GPC3: variants seen among roughly 807,000 people sequenced by gnomAD.
GPC3 encodes glypican 3, also known as glypican-3.
GPC3 carries 3 observed loss-of-function variants against 34.4 expected under a neutral mutation model. The observed-to-expected ratio is 0.09, with a 90% CI of 0.04 to 0.23. GPC3 has a LOEUF of 0.23. Ranked by LOEUF, GPC3 falls within the 10% of genes least tolerant of loss-of-function variation. The pLI, the probability that GPC3 is intolerant of heterozygous loss-of-function variation, is 1.00. For missense variants in GPC3, 351 were observed against 445.6 expected (o/e 0.79, Z 1.91); for synonymous variants, 177 against 174.0 (o/e 1.02, Z -0.13).
At chrX:133,865,598 T>C (rs1279476753) in intron 2 of GPC3, among the ~76,000 whole-genome samples, 2 of 112,219 alleles carry the variant, frequency 1.8e-5, no homozygotes, top group Non-Finnish European at 3.8e-5. Context: ...TTTGCTTACT[T>C]TAAAATGTAT....
intron 2 of GPC3, among the ~76,000 whole-genome samples, chrX:133,844,460 T>C (rs768979113): frequency 7.8e-4 from 87 of 110,972 alleles, no homozygotes; most frequent in Non-Finnish European, 1.5e-3. Context: ...CCTAGTGAGG[T>C]AGGTTGTACT....
In GPC3 at chrX:133,985,430, G is replaced by A; in HGVS notation, c.20C>T (p.Thr7Ile). ...CAGCATCGCCACCACCAAGCACGCG[G>A]TGCGCACGGTCCCGGCCATCCTGCT... is the stretch of plus-strand genomic sequence containing the variant. Reference protein sequence around the residue: MAGTVRTACLVVAMLLS... With the variant: MAGTVRIACLVVAMLLS... Residue 7 changes from threonine (T) to isoleucine (I), a missense_variant, in exon 1 of 8, where the codon ACC becomes ATC. Physicochemically the swap from Thr to Ile is moderately conservative, Grantham distance 89. Transcript: ENST00000370818. 1 of 1,175,135 alleles carries A rather than the reference G, an allele frequency of 8.5e-7. No homozygotes were observed. The highest frequency in any genetic ancestry group is 1.1e-6 in the Non-Finnish European group (1 of 877,311).
intron 6 of GPC3, among the ~76,000 whole-genome samples, chrX:133,645,910 T>C (rs2070538887): frequency 9.0e-6 from 1 of 110,510 alleles, no homozygotes; most frequent in African/African-American, 3.3e-5. Context: ...GAAGGTGGCA[T>C]GGCATAAGTG....
chrX:133,584,023 C>T (rs933169008), intron 7 of GPC3, among the ~76,000 whole-genome samples: 2 of 111,513 alleles, frequency 1.8e-5, no homozygotes, highest in Admixed American at 9.6e-5. Flanking sequence ...TTTCACATGC[C>T]GTGCCTTCCC....
chrX:133,783,533 C>T (rs752116014), intron 2 of GPC3, among the ~76,000 whole-genome samples: 1 of 112,307 alleles, frequency 8.9e-6, no homozygotes, highest in Non-Finnish European at 1.9e-5. Flanking sequence ...AACAGGAAGA[C>T]ACTTTTTGCT....
intron 2 of GPC3, among the ~76,000 whole-genome samples, chrX:133,879,933 C>A (rs972337749): frequency 6.2e-5 from 7 of 112,116 alleles, no homozygotes; most frequent in Non-Finnish European, 9.4e-5. Flanking sequence ...ACATCATCAA[C>A]CATTTCCTTT....
At chrX:133,692,717 T>C (rs2071076754) in intron 4 of GPC3, among the ~76,000 whole-genome samples, 1 of 112,463 alleles carries the variant, frequency 8.9e-6, no homozygotes, top group Non-Finnish European at 1.9e-5. Flanking sequence ...GTGCTGTTTC[T>C]ATCAGAAGGA....
At chrX:133,835,943 T>G (rs2075797432) in intron 2 of GPC3, among the ~76,000 whole-genome samples, 1 of 112,945 alleles carries the variant, frequency 8.9e-6, no homozygotes, top group Admixed American at 9.3e-5. Context: ...TGAGTACACC[T>G]AGGCTAGAGA....
chrX:133,919,889 G>A (rs894616453), intron 2 of GPC3, among the ~76,000 whole-genome samples: 1 of 108,979 alleles, frequency 9.2e-6, no homozygotes, highest in African/African-American at 3.3e-5. Context: ...GCCGGGTACA[G>A]TGGCTCACAC....
chrX:133,749,153 C>T (rs1310171950), intron 3 of GPC3, among the ~76,000 whole-genome samples: 4 of 111,543 alleles, frequency 3.6e-5, no homozygotes, highest in Non-Finnish European at 5.7e-5. Flanking sequence ...CCTAGCTACT[C>T]GGGAGGCCGA....
At chrX:133,880,254 T>C (rs1346142599) in intron 2 of GPC3, among the ~76,000 whole-genome samples, 4 of 112,306 alleles carry the variant, frequency 3.6e-5, no homozygotes. Context: ...TGCTATTAAA[T>C]AATTTTTCAC....
intron 6 of GPC3, among the ~76,000 whole-genome samples, chrX:133,620,598 G>A (rs1258613529): frequency 9.0e-6 from 1 of 111,232 alleles, no homozygotes; most frequent in East Asian, 2.8e-4. Context: ...ACTAGTTCAG[G>A]CCATGATGGG....
intron 6 of GPC3, 136 bp downstream of exon 6, chrX:133,661,579 TCTCTCTCTCTCTCTC>T (rs2070719992): frequency 9.7e-5 from 1 of 10,322 alleles, no homozygotes; most frequent in Non-Finnish European, 1.9e-4. Context: ...TCTCTCTCTC[TCTCTCTCTCTCTCTC>T]TCTCTCTCTC....
At position 133,535,763 on chromosome X, in the gene GPC3, A is replaced by AT. The variant is rs776116801; in HGVS notation, c.*360dup. On this transcript the variant is annotated 3_prime_UTR_variant, in exon 8 of 8. Transcript: ENST00000370818. ...CAATACATTTTTATTTGAGCAATTTATTTTTTTTCAAAGAAATCCATGCAA... is the reference window on the plus strand; with the variant it reads ...CAATACATTTTTATTTGAGCAATTTATTTTTTTTTCAAAGAAATCCATGCAA... 48 of 221,428 alleles carry AT rather than the reference A, an allele frequency of 2.2e-4. No homozygotes were observed. Among genetic ancestry groups the AT allele is most frequent in the Admixed American group, 1.2e-3 (18 of 15,298 alleles). The allele number at this position is 221,428 out of a possible 1,213,427, so 18.2% of individuals were successfully genotyped here. A position where few individuals can be genotyped will look rare whatever the true frequency, so the allele number is the denominator to read the frequency against.
At chrX:133,866,503 A>T (rs2075968029) in intron 2 of GPC3, among the ~76,000 whole-genome samples, 4 of 111,812 alleles carry the variant, frequency 3.6e-5, no homozygotes, top group African/African-American at 1.3e-4. Context: ...TAATTCTTTG[A>T]AATTTATTAT....
chrX:133,658,613 T>A (rs1335961154), intron 6 of GPC3, among the ~76,000 whole-genome samples: 1 of 111,876 alleles, frequency 8.9e-6, no homozygotes, highest in Admixed American at 9.6e-5. Context: ...GTGTTTTGGC[T>A]ATATAAAGCA....
chrX:133,662,593 A>G (rs1187176342), intron 5 of GPC3, among the ~76,000 whole-genome samples: 1 of 112,511 alleles, frequency 8.9e-6, no homozygotes, highest in Non-Finnish European at 1.9e-5. Flanking sequence ...GGGTTTTGCC[A>G]ACTTCAACTG....
At chrX:133,862,972 G>A (rs930598454) in intron 2 of GPC3, among the ~76,000 whole-genome samples, 1 of 112,808 alleles carries the variant, frequency 8.9e-6, no homozygotes, top group African/African-American at 3.2e-5. Context: ...TCCTGGCATC[G>A]AGCTTTGGCT....
intron 2 of GPC3, among the ~76,000 whole-genome samples, chrX:133,796,707 G>A (rs147596466): frequency 3.1e-3 from 347 of 112,102 alleles, no homozygotes; most frequent in African/African-American, 0.011. Context: ...AGCTTAAGTG[G>A]TGCAATTTAT....
Sources: gnomAD v4.1 joint callset for allele counts (sites outside exome capture counted in the v4.1 genomes callset) on GRCh38, gnomAD v4.1.1 for gene constraint, MANE v1.5 for transcripts, NCBI Gene and HGNC (gene_info 2026-07-23, HGNC 2026-07-21) for gene names.